DNAJB6: variants seen among roughly 807,000 people sequenced by gnomAD.
The protein encoded by DNAJB6 is DnaJ heat shock protein family (Hsp40) member B6, also known as dnaJ homolog subfamily B member 6.
DNAJB6 carries 16 observed loss-of-function variants against 42.7 expected under a neutral mutation model. That is an observed-to-expected ratio of 0.37 (90% CI 0.25 to 0.57). The LOEUF (loss-of-function observed/expected upper bound fraction) is 0.57, where lower values mean the gene tolerates loss of function less well. Among genes scored for constraint, DNAJB6 ranks in the 20% least tolerant of loss-of-function variants. The pLI is 0.74. For missense variants in DNAJB6, 347 were observed against 416.8 expected (o/e 0.83, Z 1.46); for synonymous variants, 170 against 163.5 (o/e 1.04, Z -0.30).
At chr7:157,358,488 C>T (rs908454637) in intron 1 of DNAJB6, 59 bp from the exon 2 acceptor site, 1 of 1,123,432 alleles carries the variant, frequency 8.9e-7, no homozygotes, top group Non-Finnish European at 1.4e-6. Context: ...ACCCATCCCA[C>T]CACCGTGATT....
chr7:157,406,196 G>A lies in DNAJB6; in HGVS notation c.692-3599G>A, dbSNP rs529063306. 2.0e-5 allele frequency among the ~76,000 whole-genome samples: 3 copies of A among 152,374 alleles called. No homozygotes were observed. The East Asian group carries it at 5.8e-4, about 29-fold the overall frequency. On this transcript the variant is annotated intron_variant, in intron 8 of 9. Transcript: ENST00000262177. The stretch of plus-strand genomic sequence containing the variant: ...GAGGCGGCCGCTCCCTGTCCATGCC[G>A]GCAGTGCACCGTGCCCACGGGAAGC...
rs148775844 is a variant in DNAJB6, at chr7:157,371,313, A to G, written c.346+3830A>G. ...AAAGTAGTTTAAAATGTGCTGTAAG[A>G]TATTTCCGAGCTGCACTTTACATTT... On this transcript the variant is annotated intron_variant, in intron 5 of 9. Coordinates refer to ENST00000262177, the MANE Select transcript of DNAJB6 (RefSeq NM_058246.4). Among the ~76,000 whole-genome samples, 78 of 152,356 alleles carry G rather than the reference A, an allele frequency of 5.1e-4. 1 individual carries two copies. The East Asian group carries it at 0.013, about 26-fold the overall frequency.
At chr7:157,349,276 T>C (rs986314433) in intron 1 of DNAJB6, among the ~76,000 whole-genome samples, 1 of 152,176 alleles carries the variant, frequency 6.6e-6, no homozygotes, top group Non-Finnish European at 1.5e-5. Context: ...ATAGTAAGTT[T>C]GTATGATTAA....
At chr7:157,357,519 C>T (rs889023816) in intron 1 of DNAJB6, among the ~76,000 whole-genome samples, 4 of 151,554 alleles carry the variant, frequency 2.6e-5, no homozygotes, top group African/African-American at 9.7e-5. Context: ...CCATGTTGGC[C>T]AGGCTGATCT....
At position 157,387,856 on chromosome 7, in the gene DNAJB6, G is replaced by GT. The variant is rs559382576; in HGVS notation, c.691+2252dup. On this transcript the variant is annotated intron_variant, in intron 8 of 9. Coordinates refer to ENST00000262177, the MANE Select transcript of DNAJB6 (RefSeq NM_058246.4). ...GTTTTGTTTGTTTGTTTGTTTGTTTGTTTTTTTGAGACGGAGTCTTGCTCT... is the reference window on the plus strand; with the variant it reads ...GTTTTGTTTGTTTGTTTGTTTGTTTGTTTTTTTTGAGACGGAGTCTTGCTCT... Among the ~76,000 whole-genome samples the GT allele has an allele frequency of 1.7e-3, 253 of 151,018 alleles. 1 individual carries two copies. The highest frequency in any genetic ancestry group is 5.7e-3 in the African/African-American group (231 of 40,876).
chr7:157,400,172 G>A (rs1011487884), intron 8 of DNAJB6, among the ~76,000 whole-genome samples: 3 of 114,214 alleles, frequency 2.6e-5, no homozygotes, highest in Non-Finnish European at 5.3e-5. Flanking sequence ...CTGCAGTAAC[G>A]GGAAAGCAAG....
intron 5 of DNAJB6, among the ~76,000 whole-genome samples, chr7:157,375,694 A>T (rs1800437656): frequency 6.6e-6 from 1 of 152,214 alleles, no homozygotes; most frequent in African/African-American, 2.4e-5. Flanking sequence ...GTTGTATTCC[A>T]GATTCCTAAC....
At chr7:157,404,445 G>A (rs1258371408) in intron 8 of DNAJB6, among the ~76,000 whole-genome samples, 3 of 144,854 alleles carry the variant, frequency 2.1e-5, no homozygotes, top group Non-Finnish European at 4.5e-5. Context: ...GCGTGCAACA[G>A]CGCACTGGGC....
Position 157,350,842 on chromosome 7 carries a change from G to C in DNAJB6, c.-26-7705G>C, listed in dbSNP as rs1291860132. ...GTCTTAGCTGGCGTTACAGGTGTTAGCCACCAGACCTGGCCAGAGACAACA... is the reference window on the plus strand; with the variant it reads ...GTCTTAGCTGGCGTTACAGGTGTTACCCACCAGACCTGGCCAGAGACAACA... On this transcript the variant is annotated intron_variant, in intron 1 of 9. Transcript: ENST00000262177. Among the ~76,000 whole-genome samples the C allele has an allele frequency of 2.0e-5, 3 of 150,764 alleles. No homozygotes were observed. The East Asian group carries it at 5.8e-4, about 29-fold the overall frequency.
At chr7:157,399,969 T>C (rs1801771496) in intron 8 of DNAJB6, among the ~76,000 whole-genome samples, 1 of 152,180 alleles carries the variant, frequency 6.6e-6, no homozygotes, top group African/African-American at 2.4e-5. Context: ...GCACCCGGCC[T>C]GTATTTTGTC....
intron 8 of DNAJB6, among the ~76,000 whole-genome samples, chr7:157,408,591 G>A (rs1220532907): frequency 1.3e-5 from 2 of 152,238 alleles, no homozygotes; most frequent in South Asian, 2.1e-4. Flanking sequence ...GGCCTGAGGG[G>A]ACAGCCTGAG....
At position 157,382,381 on chromosome 7, in the gene DNAJB6, T is replaced by C; in HGVS notation, c.478+4T>C. 1 of 1,605,602 alleles carries C rather than the reference T, an allele frequency of 6.2e-7. No homozygotes were observed. The highest frequency in any genetic ancestry group is 1.1e-5 in the South Asian group (1 of 89,508). Reference sequence around the variant, plus strand: ...GGATTTTCTTCTTTTGATACAGGTATTAAATCCCTAGGTTTAATCTCTGTT... The same window carrying C: ...GGATTTTCTTCTTTTGATACAGGTACTAAATCCCTAGGTTTAATCTCTGTT... On this transcript the variant is annotated splice_donor_region_variant and intron_variant, in intron 6 of 9. Transcript: ENST00000262177.
chr7:157,385,078 G>A (rs1018857578), intron 7 of DNAJB6, 70 bp downstream of exon 7: 10 of 1,500,082 alleles, frequency 6.7e-6, no homozygotes, highest in African/African-American at 1.4e-5. Context: ...CATGTTGCAC[G>A]TCTCCCAGAG....
chr7:157,370,114 ACAT>A (rs1800111372), intron 5 of DNAJB6, among the ~76,000 whole-genome samples: 1 of 147,772 alleles, frequency 6.8e-6, no homozygotes, highest in Non-Finnish European at 1.5e-5. Context: ...CCCCTTCTTA[ACAT>A]TATTATTAAA....
intron 1 of DNAJB6, among the ~76,000 whole-genome samples, chr7:157,347,507 C>G (rs976543810): frequency 1.3e-5 from 2 of 152,140 alleles, no homozygotes; most frequent in African/African-American, 4.8e-5. Flanking sequence ...GTGCTCGGCT[C>G]AGACTTGGGT....
At chr7:157,379,225 A>T (rs1164942854) in intron 5 of DNAJB6, 1 of 152,200 alleles carries the variant, frequency 6.6e-6, no homozygotes, top group Admixed American at 6.5e-5. Context: ...AGTTAAAATC[A>T]CTTGGTTAGT....
intron 1 of DNAJB6, chr7:157,340,044 C>T (rs1038137511): frequency 6.6e-6 from 1 of 152,196 alleles, no homozygotes; most frequent in Non-Finnish European, 1.5e-5. Context: ...ACCTTACTGT[C>T]GTCTGCTGTA....
At chr7:157,387,585 A>C (rs1440774743) in intron 8 of DNAJB6, among the ~76,000 whole-genome samples, 1 of 152,216 alleles carries the variant, frequency 6.6e-6, no homozygotes, top group Non-Finnish European at 1.5e-5. Context: ...AAATACCAGG[A>C]AAATGAAAAG....
chr7:157,373,745 G>A (rs1279987796), intron 5 of DNAJB6, among the ~76,000 whole-genome samples: 6 of 152,180 alleles, frequency 3.9e-5, no homozygotes, highest in Non-Finnish European at 8.8e-5. Context: ...TGGTGACCTG[G>A]ACCCACTATC....
Sources: allele counts gnomAD v4.1 joint callset (sites outside exome capture counted in the v4.1 genomes callset), GRCh38; gene constraint gnomAD v4.1.1; transcripts MANE v1.5; gene names NCBI Gene and HGNC (gene_info 2026-07-23, HGNC 2026-07-21).